ADAMTS4: variants seen among roughly 807,000 people sequenced by gnomAD.
ADAMTS4 encodes the protein A disintegrin and metalloproteinase with thrombospondin motifs 4.
A neutral mutation model predicts 66.7 loss-of-function variants in ADAMTS4; 38 were observed. The ratio of observed to expected loss-of-function variants is 0.57; its 90% CI spans 0.44 to 0.75. ADAMTS4 has a LOEUF of 0.75. Among genes scored for constraint, ADAMTS4 ranks in the 30% least tolerant of loss-of-function variants. ADAMTS4 has a pLI of 0.00. For synonymous variants in ADAMTS4, 418 were observed against 461.5 expected, an observed-to-expected ratio of 0.91 and a Z score of 1.21; for missense variants, 1,014 against 1,116.7, an observed-to-expected ratio of 0.91 and a Z score of 1.31.
In ADAMTS4 at chr1:161,190,678, A is replaced by ACG. The variant is rs1664646027; in HGVS notation, c.*459_*460insCG. The ACG allele has an allele frequency of 6.4e-6, 1 of 155,952 alleles. No homozygotes were observed. Among genetic ancestry groups the ACG allele is most frequent in the East Asian group, 1.9e-4 (1 of 5,298 alleles). The allele number at this position is 155,952 out of a possible 1,614,324, so 9.7% of individuals were successfully genotyped here. A position where few individuals can be genotyped will look rare whatever the true frequency, so the allele number is the denominator to read the frequency against. ...TAAGCACACACACATTTTCACACAC[A>ACG]CACACACGCATACACACACCACTTA... On this transcript the variant is annotated 3_prime_UTR_variant, in exon 9 of 9. Transcript: ENST00000367996.
At chr1:161,192,680 C>T (rs533413850) in intron 7 of ADAMTS4, among the ~76,000 whole-genome samples, 152 of 152,190 alleles carry the variant, frequency 1.0e-3, no homozygotes, top group African/African-American at 3.5e-3. Context: ...CCTAAATGGA[C>T]GCTAGAGGGC....
chr1:161,190,913 G>C lies in ADAMTS4; in HGVS notation c.*225C>G. 1 of 494,106 alleles carries C rather than the reference G, an allele frequency of 2.0e-6. No homozygotes were observed. Among genetic ancestry groups the C allele is most frequent in the Non-Finnish European group, 3.5e-6 (1 of 282,980 alleles). The allele number at this position is 494,106 out of a possible 1,614,324, so 30.6% of individuals were successfully genotyped here. A position where few individuals can be genotyped will look rare whatever the true frequency, so the allele number is the denominator to read the frequency against. ...CAGGGCAGAGGGGGCAGTTTAGATGGAGGGCTGTCTGTCAGCCCCTTCCAT... is the reference window on the plus strand; with the variant it reads ...CAGGGCAGAGGGGGCAGTTTAGATGCAGGGCTGTCTGTCAGCCCCTTCCAT... On this transcript the variant is annotated 3_prime_UTR_variant, in exon 9 of 9. Coordinates refer to ENST00000367996, the MANE Select transcript of ADAMTS4 (RefSeq NM_005099.6).
In ADAMTS4 at chr1:161,191,660, A is replaced by G. The variant is rs1336311930; in HGVS notation, c.2088-96T>C. On this transcript the variant is annotated intron_variant, in intron 8 of 8. Coordinates refer to ENST00000367996, the MANE Select transcript of ADAMTS4 (RefSeq NM_005099.6). ...TGACTGTATGTGTGTACATGTGTGT[A>G]GATGGCTGTCACCCAATCCTATGTG... is the stretch of plus-strand genomic sequence containing the variant. 8.5e-6 allele frequency: 11 copies of G among 1,289,538 alleles called. No homozygotes were observed. In the Admixed American group the frequency reaches 2.0e-4, roughly 23 times the overall value. 79.9% of individuals were successfully genotyped at this position (1,289,538 alleles called of 1,614,324 possible). A position where few individuals can be genotyped will look rare whatever the true frequency, so the allele number is the denominator to read the frequency against.
intron 3 of ADAMTS4, chr1:161,195,938 C>CAT (rs1664813291): frequency 2.9e-6 from 1 of 344,964 alleles, no homozygotes; most frequent in Non-Finnish European, 4.8e-6. Context: ...CACACAGACA[C>CAT]ACACACACAC....
rs1558072651 is a variant in ADAMTS4 at position 161,190,844 on chromosome 1, G to A, written c.*294C>T. The A allele has an allele frequency of 2.9e-6, 1 of 343,680 alleles. No homozygotes were observed. Among genetic ancestry groups the A allele is most frequent in the East Asian group, 4.6e-5 (1 of 21,598 alleles). 21.3% of individuals were successfully genotyped at this position (343,680 alleles called of 1,614,324 possible). On this transcript the variant is annotated 3_prime_UTR_variant, in exon 9 of 9. Coordinates refer to ENST00000367996, the MANE Select transcript of ADAMTS4 (RefSeq NM_005099.6). ...GAATAAATACTAAATAAATACAACT[G>A]GGGCCCAGGCCCTCCCTGCCTTCCC... is the stretch of plus-strand genomic sequence containing the variant.
At position 161,192,112 on chromosome 1, in the gene ADAMTS4, C is replaced by T. The variant is rs755296367; in HGVS notation, c.2040G>A (p.Gly680=). 7.4e-6 allele frequency: 12 copies of T among 1,613,928 alleles called. No homozygotes were observed. The Admixed American group carries it at 1.5e-4, about 20-fold the overall frequency. The part of the protein sequence containing the change: ...KKFDKCMVCG[G]DGSGCSKQSG... ...ACTGCTTGCTGCAACCAGAACCGTC[C>T]CCTCCGCACACCATGCACTTGTCAA... Residue 680 remains glycine (G), a synonymous_variant, in exon 8 of 9, where the codon GGG becomes GGA. Coordinates refer to ENST00000367996, the MANE Select transcript of ADAMTS4 (RefSeq NM_005099.6).
In ADAMTS4 at chr1:161,193,753, T is replaced by A; in HGVS notation, c.1622A>T (p.Gln541Leu). The A allele has an allele frequency of 6.2e-7, 1 of 1,614,046 alleles. No homozygotes were observed. Among genetic ancestry groups the A allele is most frequent in the Non-Finnish European group, 8.5e-7 (1 of 1,179,984 alleles). Reference sequence around the variant, plus strand: ...CCTCGTGCAGTCTCGGGAGGAGAACTGGACACCACCCCCACAGGTCCGAGA... The same window carrying A: ...CCTCGTGCAGTCTCGGGAGGAGAACAGGACACCACCCCCACAGGTCCGAGA... ...DCSRTCGGGVQFSSRDCTRPV... is the reference protein window; with the variant it reads ...DCSRTCGGGVLFSSRDCTRPV... The change falls in exon 6 of 9, where the codon CAG (glutamine) becomes CTG (leucine). Residue 541 changes from glutamine (Q) to leucine (L), a missense_variant. By Grantham distance (113) the Gln-to-Leu change is moderately radical. Coordinates refer to ENST00000367996, the MANE Select transcript of ADAMTS4 (RefSeq NM_005099.6). This position sits in a 1 kb window ranked among gnomAD's most constrained non-coding sequence, Gnocchi z 4.4.
chr1:161,194,643 C>T lies in ADAMTS4; in HGVS notation c.1262-422G>A, dbSNP rs1028970022. Among the ~76,000 whole-genome samples, 2 of 152,184 alleles carry T rather than the reference C, an allele frequency of 1.3e-5. No individual in the cohort carries two copies. Among genetic ancestry groups the T allele is most frequent in the African/African-American group, 4.8e-5 (2 of 41,438 alleles). ...GTCTCAAGCAATCCTCCCACCTTAG[C>T]CTCCCAAAGCATTGGGATTACAGGT... On this transcript the variant is annotated intron_variant, in intron 4 of 8. Coordinates refer to ENST00000367996, the MANE Select transcript of ADAMTS4 (RefSeq NM_005099.6). The surrounding 1 kb of genome is among the most constrained non-coding windows in gnomAD (Gnocchi z 4.1).
In ADAMTS4 at chr1:161,189,888, G is replaced by A. The variant is rs189466423; in HGVS notation, c.*1250C>T. On this transcript the variant is annotated 3_prime_UTR_variant, in exon 9 of 9. Coordinates refer to ENST00000367996, the MANE Select transcript of ADAMTS4 (RefSeq NM_005099.6). ...CAACCACATCTGTCTGACTCCAAAA[G>A]GATCACATAAATAGTAGAATTCAAT... 6.6e-6 allele frequency: 1 copy of A among 152,296 alleles called. No individual in the cohort carries two copies. Among genetic ancestry groups the A allele is most frequent in the Admixed American group, 6.5e-5 (1 of 15,302 alleles). The allele number at this position is 152,296 out of a possible 1,614,324, so 9.4% of individuals were successfully genotyped here.
chr1:161,191,113 A>G lies in ADAMTS4; in HGVS notation c.*25T>C, dbSNP rs776532659. 3 of 1,517,746 alleles carry G rather than the reference A, an allele frequency of 2.0e-6. No individual in the cohort carries two copies. Among genetic ancestry groups the G allele is most frequent in the Non-Finnish European group, 2.6e-6 (3 of 1,133,236 alleles). 94.0% of individuals were successfully genotyped at this position (1,517,746 alleles called of 1,614,324 possible). A position where few individuals can be genotyped will look rare whatever the true frequency, so the allele number is the denominator to read the frequency against. On this transcript the variant is annotated 3_prime_UTR_variant, in exon 9 of 9. Transcript: ENST00000367996. ...AGCTAAGTCCGAGGCCCCGGTGCCCAGAAAGGGCAGCCGGGATAGTGAGGT... is the reference window on the plus strand; with the variant it reads ...AGCTAAGTCCGAGGCCCCGGTGCCCGGAAAGGGCAGCCGGGATAGTGAGGT...
chr1:161,194,338 C>A lies in ADAMTS4; in HGVS notation c.1262-117G>T. ...GGAGCCTAGAAAAACAATCCTAGGACTATAAGAGGATTTAAATTTTTGTTA... is the reference window on the plus strand; with the variant it reads ...GGAGCCTAGAAAAACAATCCTAGGAATATAAGAGGATTTAAATTTTTGTTA... On this transcript the variant is annotated intron_variant, in intron 4 of 8. Transcript: ENST00000367996. This position sits in a 1 kb window ranked among gnomAD's most constrained non-coding sequence, Gnocchi z 4.1. 3.6e-6 allele frequency: 3 copies of A among 830,970 alleles called. No individual in the cohort carries two copies. Among genetic ancestry groups the A allele is most frequent in the Non-Finnish European group, 5.4e-6 (3 of 557,474 alleles). The allele number at this position is 830,970 out of a possible 1,614,324, so 51.5% of individuals were successfully genotyped here.
At position 161,188,883 on chromosome 1, in the gene ADAMTS4, A is replaced by AATATATATATAT. The variant is rs71777753; in HGVS notation, c.*2243_*2254dup. On this transcript the variant is annotated 3_prime_UTR_variant, in exon 9 of 9. Transcript: ENST00000367996. ...TAGGCACCTGTCACCATGCCCGGCT[A>AATATATATATAT]ATATATATATATATATATATATATA... 400 of 68,288 alleles carry AATATATATATAT rather than the reference A, an allele frequency of 5.9e-3. 23 individuals are homozygous for AATATATATATAT. Among genetic ancestry groups the AATATATATATAT allele is most frequent in the East Asian group, 0.05 (55 of 1,104 alleles). 4.2% of individuals were successfully genotyped at this position (68,288 alleles called of 1,614,324 possible). A position where few individuals can be genotyped will look rare whatever the true frequency, so the allele number is the denominator to read the frequency against.
intron 3 of ADAMTS4, 139 bp downstream of exon 3, chr1:161,196,032 G>T: frequency 9.5e-7 from 1 of 1,054,692 alleles, no homozygotes; most frequent in Non-Finnish European, 1.3e-6. Flanking sequence ...GTCTACACCT[G>T]GAGCAGAGAG....
Position 161,191,510 on chromosome 1 carries a change from G to A in ADAMTS4, c.2142C>T (p.Val714=). 6.2e-7 allele frequency: 1 copy of A among 1,614,030 alleles called. No individual in the cohort carries two copies. Among genetic ancestry groups the A allele is most frequent in the Non-Finnish European group, 8.5e-7 (1 of 1,179,914 alleles). ...TIPAGATHIL[V]RQQGNPGHRS... The stretch of plus-strand genomic sequence containing the variant: ...GGTGGCCAGGGTTTCCCTGCTGCCG[G>A]ACAAGAATGTGGGTGGCCCCCGCGG... The change falls in exon 9 of 9, where the codon GTC becomes GTT. Residue 714 remains valine, a synonymous_variant. Transcript: ENST00000367996.
rs567739781 is a variant in ADAMTS4 at position 161,188,966 on chromosome 1, A to C, written c.*2172T>G. On this transcript the variant is annotated 3_prime_UTR_variant, in exon 9 of 9. Transcript: ENST00000367996. ...GTGGTAGCCAGGATGGTCGGTCTCA[A>C]TCTCCTGACCTCGTGATCCGCCCAT... 9.8e-4 allele frequency: 142 copies of C among 144,982 alleles called. 1 individual carries two copies. The highest frequency in any genetic ancestry group is 3.5e-3 in the African/African-American group (137 of 39,222). 9.0% of individuals were successfully genotyped at this position (144,982 alleles called of 1,614,324 possible).
Position 161,188,896 on chromosome 1 carries a change from A to ATATATATATATATATATAT in ADAMTS4, c.*2241_*2242insATATATATATATATATATA, listed in dbSNP as rs1462360396. The ATATATATATATATATATAT allele has an allele frequency of 8.0e-4, 103 of 128,622 alleles. 2 individuals are homozygous for ATATATATATATATATATAT. The highest frequency in any genetic ancestry group is 2.9e-3 in the African/African-American group (102 of 34,884). 8.0% of individuals were successfully genotyped at this position (128,622 alleles called of 1,614,324 possible). A position where few individuals can be genotyped will look rare whatever the true frequency, so the allele number is the denominator to read the frequency against. ...CCATGCCCGGCTAATATATATATAT[A>ATATATATATATATATATAT]TATATATATATATTTTGTATTTTTA... On this transcript the variant is annotated 3_prime_UTR_variant, in exon 9 of 9. Transcript: ENST00000367996.
In ADAMTS4 at chr1:161,198,928, ACT is replaced by A; in HGVS notation, c.-303_-302del. On this transcript the variant is annotated 5_prime_UTR_variant, in exon 1 of 9. The change abolishes the stop of an existing upstream ORF in the 5' untranslated region. Transcript: ENST00000367996. This position sits in a 1 kb window ranked among gnomAD's most constrained non-coding sequence, Gnocchi z 4.7. Reference sequence around the variant, plus strand: ...CTTCTCTGGCCTCTCCCTCTGTAGGACTCTGTCTGGGCCGCTTCTGTGCCTGC... The same window carrying A: ...CTTCTCTGGCCTCTCCCTCTGTAGGACTGTCTGGGCCGCTTCTGTGCCTGC... 2.8e-6 allele frequency: 1 copy of A among 352,278 alleles called. No individual in the cohort carries two copies. Among genetic ancestry groups the A allele is most frequent in the Non-Finnish European group, 5.1e-6 (1 of 195,082 alleles). The allele number at this position is 352,278 out of a possible 1,614,324, so 21.8% of individuals were successfully genotyped here. A position where few individuals can be genotyped will look rare whatever the true frequency, so the allele number is the denominator to read the frequency against.
Position 161,191,526 on chromosome 1 carries a change from G to A in ADAMTS4, c.2126C>T (p.Ala709Val). The A allele has an allele frequency of 6.2e-7, 1 of 1,613,696 alleles. No homozygotes were observed. Among genetic ancestry groups the A allele is most frequent in the Non-Finnish European group, 8.5e-7 (1 of 1,179,748 alleles). The change falls in exon 9 of 9, where the codon GCC (alanine) becomes GTC (valine). Residue 709 changes from alanine (A) to valine (V), a missense_variant. Coordinates refer to ENST00000367996, the MANE Select transcript of ADAMTS4 (RefSeq NM_005099.6). ...CTGCTGCCGGACAAGAATGTGGGTGGCCCCCGCGGGGATAGTGACCACATT... is the reference window on the plus strand; with the variant it reads ...CTGCTGCCGGACAAGAATGTGGGTGACCCCCGCGGGGATAGTGACCACATT... ...YNNVVTIPAG[A>V]THILVRQQGN...
In ADAMTS4 at chr1:161,198,570, C is replaced by G; in HGVS notation, c.58G>C (p.Ala20Pro). 1 of 1,554,420 alleles carries G rather than the reference C, an allele frequency of 6.4e-7. No homozygotes were observed. The highest frequency in any genetic ancestry group is 1.7e-4 in the Middle Eastern group (1 of 5,960). The change falls in exon 1 of 9, where the codon GCC (alanine) becomes CCC (proline). Residue 20 changes from alanine to proline, a missense_variant. Transcript: ENST00000367996. This position sits in a 1 kb window ranked among gnomAD's most constrained non-coding sequence, Gnocchi z 4.7. Reference protein sequence around the residue: ...RGLAGRWLWGAQPCLLLPIVP... With the variant: ...RGLAGRWLWGPQPCLLLPIVP... ...ATGGGGAGCAGGAGGCAGGGTTGGG[C>G]TCCCCACAGCCAGCGCCCTGCCAAG...
Sources: gnomAD v4.1 joint callset for allele counts (sites outside exome capture counted in the v4.1 genomes callset) on GRCh38, gnomAD v4.1.1 for gene constraint, Gnocchi (gnomAD v3.1) non-coding constraint, MANE v1.5 for transcripts, NCBI Gene and HGNC (gene_info 2026-07-23, HGNC 2026-07-21) for gene names.